KIR3DL2: variants seen among roughly 807,000 people sequenced by gnomAD.
KIR3DL2 encodes killer cell immunoglobulin like receptor, three Ig domains and long cytoplasmic tail 2, also known as killer cell immunoglobulin-like receptor 3DL2.
A neutral mutation model predicts 41.6 loss-of-function variants in KIR3DL2; 42 were observed. The ratio of observed to expected loss-of-function variants is 1.01; its 90% confidence interval spans 0.79 to 1.31. The LOEUF (loss-of-function observed/expected upper bound fraction) is 1.31. KIR3DL2 is among the 50% of genes most tolerant of loss of function. The pLI, the probability that KIR3DL2 is intolerant of heterozygous loss-of-function variation, is 0.00. For synonymous variants in KIR3DL2, 230 were observed against 221.3 expected, an observed-to-expected ratio of 1.04 and a Z score of -0.35; for missense variants, 728 against 576.8, an observed-to-expected ratio of 1.26 and a Z score of -2.68.
chr19:54,855,244 G>C (rs2064649253), intron 4 of KIR3DL2, among the ~76,000 whole-genome samples: 1 of 151,154 alleles, frequency 6.6e-6, no homozygotes, highest in African/African-American at 2.4e-5. Flanking sequence ...ATAGATGACA[G>C]ATAATTTGTA....
chr19:54,861,414 C>T (rs377428517), intron 6 of KIR3DL2, among the ~76,000 whole-genome samples: 1 of 140,420 alleles, frequency 7.1e-6, no homozygotes, highest in East Asian at 2.1e-4. Context: ...AGGAGGCCAA[C>T]GCGGGTGGAT....
intron 6 of KIR3DL2, 115 bp from the exon 7 acceptor site, chr19:54,865,690 G>C (rs2065453741): frequency 1.1e-6 from 1 of 895,278 alleles, no homozygotes; most frequent in South Asian, 1.5e-5. Flanking sequence ...CCCGCCATCA[G>C]GCTGCTTGTC....
At chr19:54,862,776 A>G (rs2065262013) in intron 6 of KIR3DL2, among the ~76,000 whole-genome samples, 1 of 149,870 alleles carries the variant, frequency 6.7e-6, no homozygotes, top group Non-Finnish European at 1.5e-5. Flanking sequence ...TGTTGCTATA[A>G]AAGAACACTT....
At chr19:54,860,786 A>G (rs4806599) in intron 6 of KIR3DL2, among the ~76,000 whole-genome samples, 28,388 of 135,656 alleles carry the variant, frequency 0.21, 2,997 homozygotes, top group East Asian at 0.61. Flanking sequence ...TGAACCCCTG[A>G]AAGATTGGCG....
chr19:54,853,912 G>A lies in KIR3DL2; in HGVS notation c.521G>A (p.Gly174Glu), dbSNP rs2064512342. ...PSRLVGQIHD[G>E]VSKANFSIGP... ...CGCCTCGTTGGACAGATCCATGATGGGGTCTCCAAGGCCAACTTCTCCATC... is the reference window on the plus strand; with the variant it reads ...CGCCTCGTTGGACAGATCCATGATGAGGTCTCCAAGGCCAACTTCTCCATC... The change falls in exon 4 of 9, where the codon GGG (glycine) becomes GAG (glutamate). Residue 174 changes from glycine (G) to glutamate (E), a missense_variant. Coordinates refer to ENST00000326321, the MANE Select transcript of KIR3DL2 (RefSeq NM_006737.4). The A allele has an allele frequency of 1.4e-5, 23 of 1,613,318 alleles. No homozygotes were observed. Among genetic ancestry groups the A allele is most frequent in the Non-Finnish European group, 1.9e-5 (22 of 1,179,836 alleles).
At chr19:54,850,957 G>A (rs1402116977) in intron 1 of KIR3DL2, among the ~76,000 whole-genome samples, 1 of 141,214 alleles carries the variant, frequency 7.1e-6, no homozygotes, top group South Asian at 2.4e-4. Flanking sequence ...CTGGAGTGGA[G>A]ATATGGGCCT....
rs1304999045 is a variant in KIR3DL2, at chr19:54,867,121, C to T, written c.*390C>T. ...TTCCACCTCCCCTCAGACTATCTTT[C>T]AGCCTTCTGTCATCAGTAAAATTTA... On this transcript the variant is annotated 3_prime_UTR_variant, in exon 9 of 9. Coordinates refer to ENST00000326321, the MANE Select transcript of KIR3DL2 (RefSeq NM_006737.4). The T allele has an allele frequency of 8.3e-6, 2 of 241,838 alleles. No individual in the cohort carries two copies. Among genetic ancestry groups the T allele is most frequent in the South Asian group, 9.0e-5 (1 of 11,066 alleles). 15.0% of individuals were successfully genotyped at this position (241,838 alleles called of 1,614,324 possible). A position where few individuals can be genotyped will look rare whatever the true frequency, so the allele number is the denominator to read the frequency against.
rs57997455 is a variant in KIR3DL2 at position 54,866,772 on chromosome 19, A to C, written c.*41A>C. On this transcript the variant is annotated 3_prime_UTR_variant, in exon 9 of 9. Transcript: ENST00000326321. ...GTCTCAAAACCAGGTTGCCAGATCCAATGAACCAGCAGCTGGAATCTGAAG... is the reference window on the plus strand; with the variant it reads ...GTCTCAAAACCAGGTTGCCAGATCCCATGAACCAGCAGCTGGAATCTGAAG... The C allele has an allele frequency of 0.038, 61,057 of 1,597,520 alleles. 1,604 individuals carry two copies. Among genetic ancestry groups the C allele is most frequent in the East Asian group, 0.11 (5,090 of 44,758 alleles).
At chr19:54,860,475 A>G (rs2065091881) in intron 6 of KIR3DL2, among the ~76,000 whole-genome samples, 1 of 151,902 alleles carries the variant, frequency 6.6e-6, no homozygotes, top group South Asian at 2.1e-4. Flanking sequence ...GGCTGAACTG[A>G]TCTCCTCCCT....
chr19:54,856,478 C>T (rs1201050318), intron 5 of KIR3DL2, among the ~76,000 whole-genome samples: 1 of 151,490 alleles, frequency 6.6e-6, no homozygotes, highest in South Asian at 2.1e-4. Flanking sequence ...ATCAGGGACT[C>T]GAGATCAGCC....
At chr19:54,855,522 T>G in intron 4 of KIR3DL2, 97 bp from the exon 5 acceptor site, 1 of 1,486,128 alleles carries the variant, frequency 6.7e-7, no homozygotes. Flanking sequence ...GAGAGAGCAT[T>G]AGGTCATAGA....
At chr19:54,851,661 C>G (rs1440940071) in intron 2 of KIR3DL2, among the ~76,000 whole-genome samples, 1 of 151,702 alleles carries the variant, frequency 6.6e-6, no homozygotes, top group African/African-American at 2.4e-5. Context: ...CCTGACATTC[C>G]AAATCCTCTG....
chr19:54,862,283 G>A (rs1002132030), intron 6 of KIR3DL2, among the ~76,000 whole-genome samples: 1 of 151,984 alleles, frequency 6.6e-6, no homozygotes, highest in Non-Finnish European at 1.5e-5. Context: ...CCTTTTCTTG[G>A]AGAATGTAAT....
At chr19:54,857,417 A>G (rs2064869895) in intron 5 of KIR3DL2, among the ~76,000 whole-genome samples, 1 of 151,224 alleles carries the variant, frequency 6.6e-6, no homozygotes, top group Non-Finnish European at 1.5e-5. Flanking sequence ...AAGATTTTCC[A>G]TACTTTTCTC....
intron 6 of KIR3DL2, 121 bp from the exon 7 acceptor site, chr19:54,865,684 C>T (rs2065453253): frequency 1.2e-6 from 1 of 840,406 alleles, no homozygotes; most frequent in Non-Finnish European, 2.0e-6. Flanking sequence ...GGGTCTCCCG[C>T]CATCAGGCTG....
intron 4 of KIR3DL2, among the ~76,000 whole-genome samples, chr19:54,854,761 G>A (rs1327916491): frequency 6.6e-6 from 1 of 151,820 alleles, no homozygotes; most frequent in Non-Finnish European, 1.5e-5. Context: ...AGAAAGAAAA[G>A]AGGGCAGAGG....
At chr19:54,863,797 T>G (rs918652141) in intron 6 of KIR3DL2, among the ~76,000 whole-genome samples, 8 of 151,994 alleles carry the variant, frequency 5.3e-5, no homozygotes, top group African/African-American at 7.2e-5. Context: ...TTTCTCCCAT[T>G]TTGTAGGTTG....
At chr19:54,850,805 GATATGGGCCTGGAGTGGA>G in intron 1 of KIR3DL2, among the ~76,000 whole-genome samples, 1 of 92,962 alleles carries the variant, frequency 1.1e-5, no homozygotes, top group Non-Finnish European at 2.2e-5. Flanking sequence ...CTGGAGTGGA[GATATGGGCCTGGAGTGGA>G]GATATGGGTC....
At chr19:54,861,975 G>C (rs568765506) in intron 6 of KIR3DL2, among the ~76,000 whole-genome samples, 1 of 152,140 alleles carries the variant, frequency 6.6e-6, no homozygotes, top group South Asian at 2.1e-4. Context: ...ATAGATCATG[G>C]GGAGGTAAAC....
Sources: gnomAD v4.1 joint callset for allele counts (sites outside exome capture counted in the v4.1 genomes callset) on GRCh38, gnomAD v4.1.1 for gene constraint, MANE v1.5 for transcripts, NCBI Gene and HGNC (gene_info 2026-07-23, HGNC 2026-07-21) for gene names.